MEGF10: variants seen among roughly 807,000 people sequenced by gnomAD.
MEGF10 encodes the protein multiple epidermal growth factor-like domains protein 10.
Under a neutral mutation model 147.5 loss-of-function variants are expected in MEGF10, and 86 were observed. The ratio of observed to expected loss-of-function variants is 0.58; its 90% CI spans 0.49 to 0.70. The LOEUF (loss-of-function observed/expected upper bound fraction) is 0.70. MEGF10 is among the 30% of genes least tolerant of loss of function. The pLI is 0.00. For missense variants in MEGF10, 1,329 were observed against 1,487.3 expected (o/e 0.89, Z 1.75); for synonymous variants, 478 against 525.5 (o/e 0.91, Z 1.24).
At chr5:127,356,149 C>T (rs1466215217) in intron 4 of MEGF10, among the ~76,000 whole-genome samples, 1 of 152,208 alleles carries the variant, frequency 6.6e-6, no homozygotes, top group African/African-American at 2.4e-5. Context: ...AAGTGACCAA[C>T]CACAAAACAT....
intron 1 of MEGF10, among the ~76,000 whole-genome samples, chr5:127,313,277 C>A (rs1328515963): frequency 6.6e-6 from 1 of 152,094 alleles, no homozygotes; most frequent in Non-Finnish European, 1.5e-5. Context: ...TCCATGTAGC[C>A]ATAGATCCAC....
chr5:127,441,986 G>A (rs1458730600), intron 18 of MEGF10, among the ~76,000 whole-genome samples: 1 of 152,152 alleles, frequency 6.6e-6, no homozygotes, highest in East Asian at 1.9e-4. Flanking sequence ...CTGTTTCATT[G>A]AGTCATGAAA....
At chr5:127,277,388 G>A in the MEGF10 span, among the ~76,000 whole-genome samples, 5 of 152,192 alleles carry the variant, frequency 3.3e-5, no homozygotes, top group Non-Finnish European at 7.3e-5. Flanking sequence ...CTGTATCACA[G>A]TCCACTGGTC....
At chr5:127,308,560 G>C (rs1261326704) in intron 1 of MEGF10, among the ~76,000 whole-genome samples, 1 of 152,168 alleles carries the variant, frequency 6.6e-6, no homozygotes, top group South Asian at 2.1e-4. Flanking sequence ...CATGTCTTTT[G>C]TAGGGACATG....
chr5:127,282,294 G>A, the MEGF10 span, among the ~76,000 whole-genome samples: 1 of 152,184 alleles, frequency 6.6e-6, no homozygotes, highest in African/African-American at 2.4e-5. Context: ...CTCCTCTTGA[G>A]TTTCTTAGTT....
intron 22 of MEGF10, among the ~76,000 whole-genome samples, chr5:127,450,652 A>T (rs1766120119): frequency 6.6e-6 from 1 of 152,142 alleles, no homozygotes; most frequent in African/African-American, 2.4e-5. Flanking sequence ...CATATCACAG[A>T]TATTACATGG....
At chr5:127,281,551 A>G in the MEGF10 span, among the ~76,000 whole-genome samples, 50 of 152,228 alleles carry the variant, frequency 3.3e-4, no homozygotes, top group African/African-American at 1.1e-3. Flanking sequence ...CCCTGGGGGA[A>G]TTGTGTGTAC....
chr5:127,356,003 T>C (rs1762267241), intron 4 of MEGF10, among the ~76,000 whole-genome samples: 1 of 152,198 alleles, frequency 6.6e-6, no homozygotes, highest in South Asian at 2.1e-4. Context: ...CCTAATAATT[T>C]ATGCAATCCC....
the MEGF10 span, among the ~76,000 whole-genome samples, chr5:127,244,269 G>A: frequency 2.7e-5 from 4 of 149,026 alleles, no homozygotes; most frequent in African/African-American, 9.9e-5. Flanking sequence ...TTAGAAGACA[G>A]TCAAGAGGCA....
the MEGF10 span, among the ~76,000 whole-genome samples, chr5:127,275,710 GT>G: frequency 6.6e-6 from 1 of 152,194 alleles, no homozygotes. Flanking sequence ...GGATGGAAAA[GT>G]TTATAAGGTG....
chr5:127,305,660 C>A (rs1307411150), intron 1 of MEGF10, among the ~76,000 whole-genome samples: 1 of 152,108 alleles, frequency 6.6e-6, no homozygotes, highest in Non-Finnish European at 1.5e-5. Context: ...TGATGTGGAG[C>A]TCTGCCAAGC....
chr5:127,396,687 G>T lies in MEGF10; in HGVS notation c.568G>T (p.Asp190Tyr), dbSNP rs756704626. Residue 190 changes from aspartate to tyrosine, a missense_variant, in exon 6 of 25, where the codon GAC becomes TAC. Physicochemically the swap from Asp to Tyr is radical, Grantham distance 160. This residue lies in a region of MEGF10 where 980 missense variants were observed against 1,085.9 expected (regional missense o/e 0.90). Transcript: ENST00000503335. Reference sequence around the variant, plus strand: ...CTGTGAGCAGGGCACCTATGGTAACGACTGTCATCAGAGATGCCAGTGCCA... The same window carrying T: ...CTGTGAGCAGGGCACCTATGGTAACTACTGTCATCAGAGATGCCAGTGCCA... ...DRCEQGTYGN[D>Y]CHQRCQCQNG... 1 of 1,614,098 alleles carries T rather than the reference G, an allele frequency of 6.2e-7. No individual in the cohort carries two copies. Among genetic ancestry groups the T allele is most frequent in the South Asian group, 1.1e-5 (1 of 91,074 alleles).
At chr5:127,238,479 T>A in the MEGF10 span, among the ~76,000 whole-genome samples, 1 of 152,220 alleles carries the variant, frequency 6.6e-6, no homozygotes, top group Non-Finnish European at 1.5e-5. Flanking sequence ...AGCTTGTGGT[T>A]GCCAGGCACT....
chr5:127,363,670 T>A (rs1451856600), intron 4 of MEGF10, among the ~76,000 whole-genome samples: 1 of 152,240 alleles, frequency 6.6e-6, no homozygotes, highest in Admixed American at 6.5e-5. Context: ...ATTGGCAATG[T>A]CTGCCAAAGA....
intron 7 of MEGF10, among the ~76,000 whole-genome samples, chr5:127,401,387 C>T (rs1764126625): frequency 6.6e-6 from 1 of 152,174 alleles, no homozygotes. Flanking sequence ...TTTTCCATTC[C>T]AAGAGTCTGT....
the MEGF10 span, among the ~76,000 whole-genome samples, chr5:127,245,242 C>T: frequency 2.0e-5 from 3 of 152,268 alleles, no homozygotes; most frequent in Non-Finnish European, 4.4e-5. Context: ...CAGCATGCTA[C>T]TGGTACCAAA....
chr5:127,243,133 A>G, the MEGF10 span, among the ~76,000 whole-genome samples: 3 of 152,158 alleles, frequency 2.0e-5, no homozygotes, highest in African/African-American at 7.2e-5. Flanking sequence ...GAGAGATAAT[A>G]TTTTTGCAGC....
chr5:127,328,017 T>C (rs1444688641), intron 1 of MEGF10, among the ~76,000 whole-genome samples: 1 of 152,152 alleles, frequency 6.6e-6, no homozygotes, highest in Non-Finnish European at 1.5e-5. Flanking sequence ...ACGCCTGGCC[T>C]AAATGTCCTA....
intron 5 of MEGF10, among the ~76,000 whole-genome samples, chr5:127,395,123 C>T (rs764390151): frequency 6.6e-6 from 1 of 152,108 alleles, no homozygotes; most frequent in Non-Finnish European, 1.5e-5. Flanking sequence ...CAGGGTGCTT[C>T]TTCTTCAAGT....
Sources: allele counts gnomAD v4.1 joint callset (sites outside exome capture counted in the v4.1 genomes callset), GRCh38; gene constraint gnomAD v4.1.1; regional missense constraint gnomAD v4.1.1; transcripts MANE v1.5; gene names NCBI Gene and HGNC (gene_info 2026-07-23, HGNC 2026-07-21).